The following SYT10 variants were observed in gnomAD, a reference collection of about 807,000 sequenced individuals.
SYT10 encodes synaptotagmin 10, also known as synaptotagmin-10.
SYT10 carries 31 observed loss-of-function variants against 51.1 expected under a neutral mutation model. The observed-to-expected ratio is 0.61, with a 90% CI of 0.46 to 0.82. The LOEUF (loss-of-function observed/expected upper bound fraction) is 0.82. Among genes scored for constraint, SYT10 ranks in the 40% least tolerant of loss-of-function variants. The probability of loss-of-function intolerance (pLI) is 0.00; values close to 1 mark genes in which losing one functional copy is unlikely to be tolerated. For synonymous variants in SYT10, 233 were observed against 225.9 expected (o/e 1.03, Z -0.28); for missense variants, 603 against 634.0 (o/e 0.95, Z 0.53).
Position 33,439,444 on chromosome 12 carries a change from C to G in SYT10, c.79G>C (p.Gly27Arg), listed in dbSNP as rs765104758. 6.2e-7 allele frequency: 1 copy of G among 1,614,240 alleles called. No individual in the cohort carries two copies. Among genetic ancestry groups the G allele is most frequent in the South Asian group, 1.1e-5 (1 of 91,086 alleles). ...GAGCACTTCTCCCACTCCACCTGGCCGGCGAAGCACAGCTCGGTGACGATG... is the reference window on the plus strand; with the variant it reads ...GAGCACTTCTCCCACTCCACCTGGCGGGCGAAGCACAGCTCGGTGACGATG... Reference protein sequence around the residue: ...LHIVTELCFAGQVEWEKCSGI... With the variant: ...LHIVTELCFARQVEWEKCSGI... The change falls in exon 1 of 7, where the codon GGC becomes CGC. Residue 27 changes from glycine (G) to arginine (R), a missense_variant. By Grantham distance (125) the Gly-to-Arg change is moderately radical. Transcript: ENST00000228567.
intron 1 of SYT10, among the ~76,000 whole-genome samples, chr12:33,434,629 A>AC (rs1211108846): frequency 4.0e-5 from 6 of 151,890 alleles, no homozygotes; most frequent in Non-Finnish European, 5.9e-5. Context: ...CATGGAGAAA[A>AC]CCCCCGACTC....
intron 3 of SYT10, among the ~76,000 whole-genome samples, chr12:33,388,653 T>C (rs189836744): frequency 1.3e-5 from 2 of 152,320 alleles, no homozygotes; most frequent in East Asian, 3.9e-4. Context: ...TCAGAGTTCC[T>C]ACTTGGAAAA....
At position 33,428,465 on chromosome 12, in the gene SYT10, T is replaced by C. The variant is rs1177394452; in HGVS notation, c.152-1970A>G. Among the ~76,000 whole-genome samples the C allele has an allele frequency of 3.3e-5, 5 of 152,304 alleles. No individual in the cohort carries two copies. The East Asian group carries it at 5.8e-4, about 18-fold the overall frequency. ...GGTATTCACAGAAGCTGGGAGAATA[T>C]TTTAAGAAATGATAGTGTAAATCAT... On this transcript the variant is annotated intron_variant, in intron 1 of 6. Coordinates refer to ENST00000228567, the MANE Select transcript of SYT10 (RefSeq NM_198992.4).
intron 2 of SYT10, among the ~76,000 whole-genome samples, chr12:33,424,161 T>G (rs2138430684): frequency 6.6e-6 from 1 of 152,298 alleles, no homozygotes; most frequent in Non-Finnish European, 1.5e-5. Flanking sequence ...TTTTTATGTT[T>G]TTCTGATTTG....
At chr12:33,417,123 T>G (rs1476989720) in intron 2 of SYT10, among the ~76,000 whole-genome samples, 1 of 152,120 alleles carries the variant, frequency 6.6e-6, no homozygotes. Context: ...AGGTATAAAA[T>G]GGTGTGGTTT....
At chr12:33,438,542 T>C (rs1466419344) in intron 1 of SYT10, among the ~76,000 whole-genome samples, 1 of 152,114 alleles carries the variant, frequency 6.6e-6, no homozygotes, top group African/African-American at 2.4e-5. Context: ...GAAAATCCAC[T>C]TGAGACTTTT....
Position 33,388,953 on chromosome 12 carries a change from A to T in SYT10, c.1078-3662T>A, listed in dbSNP as rs74531809. On this transcript the variant is annotated intron_variant, in intron 3 of 6. Transcript: ENST00000228567. ...AAGCTGTAGCAATGGAGTGTAAGAG[A>T]TGGAGAGAAGGCAGATTAAAGCCTC... 9.1e-3 allele frequency among the ~76,000 whole-genome samples: 1,381 copies of T among 152,324 alleles called. 75 individuals are homozygous for T. In the East Asian group the frequency reaches 0.13, roughly 15 times the overall value.
At position 33,439,354 on chromosome 12, in the gene SYT10, C is replaced by T. The variant is rs746440967; in HGVS notation, c.151+18G>A. 11 of 1,604,684 alleles carry T rather than the reference C, an allele frequency of 6.9e-6. No homozygotes were observed. Among genetic ancestry groups the T allele is most frequent in the Non-Finnish European group, 9.4e-6 (11 of 1,175,936 alleles). ...TCCCAGCGGAGCGCGAGGACGCGAG[C>T]GGAGCCCTCCCGGTTACCTGTGCTG... On this transcript the variant is annotated intron_variant, in intron 1 of 6. Transcript: ENST00000228567.
intron 1 of SYT10, among the ~76,000 whole-genome samples, chr12:33,437,862 C>G (rs1866650767): frequency 6.6e-6 from 1 of 152,108 alleles, no homozygotes; most frequent in Non-Finnish European, 1.5e-5. Context: ...GTGCCTTCCA[C>G]TGAGTTTCAT....
intron 2 of SYT10, among the ~76,000 whole-genome samples, chr12:33,410,880 AAGTT>A (rs1380666172): frequency 6.6e-6 from 1 of 152,186 alleles, no homozygotes; most frequent in East Asian, 1.9e-4. Flanking sequence ...TCACAATAAA[AAGTT>A]AGGATGCCTT....
intron 6 of SYT10, among the ~76,000 whole-genome samples, chr12:33,378,370 C>G (rs1866083608): frequency 6.6e-6 from 1 of 152,186 alleles, no homozygotes; most frequent in African/African-American, 2.4e-5. Context: ...TGCCTTGGGT[C>G]ATAAAGCACC....
Position 33,407,342 on chromosome 12 carries a change from C to T in SYT10, c.524G>A (p.Arg175Gln), listed in dbSNP as rs1346843360. The T allele has an allele frequency of 4.4e-6, 7 of 1,604,474 alleles. No individual in the cohort carries two copies. The East Asian group carries it at 8.9e-5, about 20-fold the overall frequency. The part of the protein sequence containing the change: ...PTSSTRHSSF[R>Q]RHLPRQMQVS... ...CTGCATTTGCCTCGGCAGGTGTCTT[C>T]GGAAGGAACTGTGGCTGAACACACA... is the stretch of plus-strand genomic sequence containing the variant. Residue 175 changes from arginine to glutamine, a missense_variant, in exon 3 of 7, where the codon CGA becomes CAA. Transcript: ENST00000228567.
chr12:33,382,194 C>T (rs1465853339), intron 5 of SYT10, among the ~76,000 whole-genome samples, 155 bp downstream of exon 5: 1 of 152,158 alleles, frequency 6.6e-6, no homozygotes, highest in African/African-American at 2.4e-5. Context: ...AAATCCAGAA[C>T]TATAACACAG....
In SYT10 at chr12:33,376,555, A is replaced by G; in HGVS notation, c.*275T>C. On this transcript the variant is annotated 3_prime_UTR_variant, in exon 7 of 7. Transcript: ENST00000228567. The stretch of plus-strand genomic sequence containing the variant: ...GTTTAAAAAAACATTTCATATGCAA[A>G]GAATTACAACATAGTAAAACACTCT... The G allele has an allele frequency of 2.4e-6, 1 of 425,512 alleles. No individual in the cohort carries two copies. The highest frequency in any genetic ancestry group is 3.8e-5 in the East Asian group (1 of 26,338). The allele number at this position is 425,512 out of a possible 1,614,324, so 26.4% of individuals were successfully genotyped here. A position where few individuals can be genotyped will look rare whatever the true frequency, so the allele number is the denominator to read the frequency against.
In SYT10 at chr12:33,427,878, A is replaced by C. The variant is rs1304138787; in HGVS notation, c.152-1383T>G. Among the ~76,000 whole-genome samples the C allele has an allele frequency of 3.3e-5, 5 of 152,332 alleles. No homozygotes were observed. The East Asian group carries it at 9.6e-4, about 29-fold the overall frequency. ...TTGTGATTCATTTAACTATGACATG[A>C]AGTACACTATGAGTTAGGATTTAAT... On this transcript the variant is annotated intron_variant, in intron 1 of 6. Coordinates refer to ENST00000228567, the MANE Select transcript of SYT10 (RefSeq NM_198992.4).
intron 2 of SYT10, 71 bp downstream of exon 2, chr12:33,426,067 C>T: frequency 1.1e-6 from 1 of 914,076 alleles, no homozygotes; most frequent in Admixed American, 6.5e-5. Context: ...AAATTTCACA[C>T]ACACACACAC....
intron 6 of SYT10, among the ~76,000 whole-genome samples, chr12:33,378,180 G>C (rs1363904020): frequency 6.6e-6 from 1 of 152,110 alleles, no homozygotes; most frequent in East Asian, 1.9e-4. Context: ...ACACAATCTT[G>C]TTCTCAATAA....
intron 1 of SYT10, among the ~76,000 whole-genome samples, chr12:33,428,635 G>A (rs1487793423): frequency 1.4e-4 from 22 of 152,144 alleles, no homozygotes; most frequent in Non-Finnish European, 7.4e-5. Flanking sequence ...GGCCAGGCGC[G>A]GTGGCTCCCG....
intron 3 of SYT10, among the ~76,000 whole-genome samples, chr12:33,394,765 T>C (rs1304261551): frequency 2.0e-5 from 3 of 152,240 alleles, no homozygotes; most frequent in African/African-American, 4.8e-5. Context: ...TCCTGTACTT[T>C]CGTACTTTAC....
Sources: allele counts gnomAD v4.1 joint callset (sites outside exome capture counted in the v4.1 genomes callset), GRCh38; gene constraint gnomAD v4.1.1; transcripts MANE v1.5; gene names NCBI Gene and HGNC (gene_info 2026-07-23, HGNC 2026-07-21).